ARHGAP24: variants seen among roughly 807,000 people sequenced by gnomAD.
ARHGAP24 encodes rho GTPase-activating protein 24.
ARHGAP24 carries 50 observed loss-of-function variants against 76.4 expected under a neutral mutation model. The ratio of observed to expected loss-of-function variants is 0.65; its 90% CI spans 0.52 to 0.83. The LOEUF is 0.83. Ranked by LOEUF, ARHGAP24 falls within the 40% of genes least tolerant of loss-of-function variation. The probability of loss-of-function intolerance (pLI) is 0.00; values close to 1 mark genes in which losing one functional copy is unlikely to be tolerated. For missense variants in ARHGAP24, 930 were observed against 914.2 expected (o/e 1.02, Z -0.22); for synonymous variants, 345 against 323.3 (o/e 1.07, Z -0.72).
intron 3 of ARHGAP24, among the ~76,000 whole-genome samples, chr4:85,825,112 CAAAAAAAAAG>C (rs367629779): frequency 2.0e-5 from 3 of 149,082 alleles, no homozygotes; most frequent in Non-Finnish European, 3.0e-5. Flanking sequence ...CGAAACAAAA[CAAAAAAAAAG>C]AAAAGAAAAG....
At chr4:85,931,052 T>C in intron 4 of ARHGAP24, 1 of 1,605,742 alleles carries the variant, frequency 6.2e-7, no homozygotes. Flanking sequence ...GGTAGGTAGA[T>C]AATATGTTCA....
chr4:85,781,836 G>A (rs1057369496), intron 3 of ARHGAP24, among the ~76,000 whole-genome samples: 1 of 151,666 alleles, frequency 6.6e-6, no homozygotes, highest in African/African-American at 2.4e-5. Context: ...GAGTTCGAGG[G>A]CAGCCTGGCC....
chr4:85,933,885 TATC>T (rs1438793365), intron 4 of ARHGAP24, among the ~76,000 whole-genome samples: 1 of 152,196 alleles, frequency 6.6e-6, no homozygotes, highest in Admixed American at 6.5e-5. Context: ...GGAGATAAGT[TATC>T]ATCAGGTCCT....
chr4:85,860,003 A>T (rs1731799431), intron 3 of ARHGAP24, among the ~76,000 whole-genome samples: 1 of 152,180 alleles, frequency 6.6e-6, no homozygotes, highest in Non-Finnish European at 1.5e-5. Flanking sequence ...TGCCCTAAGC[A>T]GCCTTAATAT....
At chr4:85,885,428 A>T (rs1480453719) in intron 3 of ARHGAP24, among the ~76,000 whole-genome samples, 1 of 152,114 alleles carries the variant, frequency 6.6e-6, no homozygotes, top group Non-Finnish European at 1.5e-5. Flanking sequence ...GAAACTCACG[A>T]ATACCTATTA....
intron 3 of ARHGAP24, among the ~76,000 whole-genome samples, chr4:85,860,526 G>A (rs919502385): frequency 6.6e-6 from 1 of 152,068 alleles, no homozygotes; most frequent in Non-Finnish European, 1.5e-5. Flanking sequence ...GTGTCTCTGT[G>A]AAACCCAAGG....
intron 1 of ARHGAP24, among the ~76,000 whole-genome samples, chr4:85,563,466 C>A (rs1210182297): frequency 6.6e-6 from 1 of 152,256 alleles, no homozygotes; most frequent in East Asian, 1.9e-4. Flanking sequence ...GAAAAAGAGA[C>A]CACAAATTTT....
At chr4:85,746,644 TTGTTTTGTTG>T (rs1187884479) in intron 3 of ARHGAP24, among the ~76,000 whole-genome samples, 1 of 152,046 alleles carries the variant, frequency 6.6e-6, no homozygotes, top group Non-Finnish European at 1.5e-5. Flanking sequence ...ATTGGCTTGT[TTGTTTTGTTG>T]TGTTTTGTTT....
chr4:85,783,454 T>C (rs1312629553), intron 3 of ARHGAP24, among the ~76,000 whole-genome samples: 4 of 152,100 alleles, frequency 2.6e-5, no homozygotes, highest in Non-Finnish European at 5.9e-5. Flanking sequence ...ACTTGGAAAT[T>C]AGTGAGTCCT....
chr4:85,544,885 G>A (rs564506327), intron 1 of ARHGAP24, among the ~76,000 whole-genome samples: 8 of 150,084 alleles, frequency 5.3e-5, no homozygotes, highest in Admixed American at 4.6e-4. Context: ...TCTTTTTTTC[G>A]CCAGTCCAGT....
chr4:85,955,580 G>T (rs1210374166), intron 5 of ARHGAP24, among the ~76,000 whole-genome samples: 1 of 152,026 alleles, frequency 6.6e-6, no homozygotes, highest in African/African-American at 2.4e-5. Flanking sequence ...TCCAACCTCT[G>T]CCCCCATCTC....
At chr4:85,602,856 G>T (rs1383245797) in intron 2 of ARHGAP24, among the ~76,000 whole-genome samples, 1 of 152,056 alleles carries the variant, frequency 6.6e-6, no homozygotes, top group Non-Finnish European at 1.5e-5. Flanking sequence ...TTTCAGTTTG[G>T]ATTTTAGAGA....
rs899143842 is a variant in ARHGAP24 at position 85,938,786 on chromosome 4, G to T, written c.392-3280G>T. Among the ~76,000 whole-genome samples, 19 of 151,390 alleles carry T rather than the reference G, an allele frequency of 1.3e-4. 1 individual carries two copies. The highest frequency in any genetic ancestry group is 1.5e-5 in the Non-Finnish European group (1 of 67,920). ...AGCTTTATATAAAGGAAATTGCTTT[G>T]GGGGGCAGCATGCTCATTGAAGCTC... is the stretch of plus-strand genomic sequence containing the variant. On this transcript the variant is annotated intron_variant, in intron 4 of 9. Transcript: ENST00000395184.
chr4:85,880,559 C>T (rs1167217227), intron 3 of ARHGAP24, among the ~76,000 whole-genome samples: 1 of 152,054 alleles, frequency 6.6e-6, no homozygotes, highest in African/African-American at 2.4e-5. Context: ...GACGGAGTCT[C>T]GCTCTGTCGC....
chr4:85,661,658 C>A (rs980046461), intron 2 of ARHGAP24, among the ~76,000 whole-genome samples: 2 of 151,660 alleles, frequency 1.3e-5, no homozygotes, highest in Non-Finnish European at 2.9e-5. Context: ...CTAATGCTAT[C>A]CCTCCCCCCT....
At chr4:85,741,953 T>C (rs1402953252) in intron 3 of ARHGAP24, among the ~76,000 whole-genome samples, 1 of 152,206 alleles carries the variant, frequency 6.6e-6, no homozygotes, top group Non-Finnish European at 1.5e-5. Flanking sequence ...TTAAAAACTC[T>C]CTTTTCCAAT....
intron 3 of ARHGAP24, among the ~76,000 whole-genome samples, chr4:85,752,670 T>C (rs569997877): frequency 1.1e-4 from 17 of 152,296 alleles, no homozygotes; most frequent in Admixed American, 1.1e-3. Context: ...CACTGGTACT[T>C]GTACCATCAT....
chr4:85,630,720 TATAATTTAAAGAATTATTTAAATA>T (rs1414938952), intron 2 of ARHGAP24, among the ~76,000 whole-genome samples: 5 of 152,032 alleles, frequency 3.3e-5, no homozygotes, highest in Non-Finnish European at 7.4e-5. Context: ...CATTGTACAT[TATAATTTAAAGAATTATTTAAATA>T]ATAATTTAAA....
intron 2 of ARHGAP24, among the ~76,000 whole-genome samples, chr4:85,692,671 G>A (rs1723710353): frequency 6.6e-6 from 1 of 152,184 alleles, no homozygotes; most frequent in Non-Finnish European, 1.5e-5. Context: ...CAGAAGTTCA[G>A]TTTGGGTCTT....
Sources: allele counts gnomAD v4.1 joint callset (sites outside exome capture counted in the v4.1 genomes callset), GRCh38; gene constraint gnomAD v4.1.1; transcripts MANE v1.5; gene names NCBI Gene and HGNC (gene_info 2026-07-23, HGNC 2026-07-21).